PDE5A: variants seen among roughly 807,000 people sequenced by gnomAD.
PDE5A encodes cGMP-specific 3',5'-cyclic phosphodiesterase.
In PDE5A, 67 loss-of-function variants were observed where a neutral mutation model predicts 110.2. The observed-to-expected ratio is 0.61, with a 90% CI of 0.50 to 0.75. PDE5A has a LOEUF of 0.75. Ranked by LOEUF, PDE5A falls within the 30% of genes least tolerant of loss-of-function variation. The probability of loss-of-function intolerance (pLI) is 0.00; values close to 1 mark genes in which losing one functional copy is unlikely to be tolerated. For missense variants in PDE5A, 862 were observed against 1,045.1 expected (o/e 0.82, Z 2.42); for synonymous variants, 328 against 351.2 (o/e 0.93, Z 0.74).
In PDE5A at chr4:119,606,995, A is replaced by G. The variant is rs868102037; in HGVS notation, c.455T>C (p.Leu152Pro). Residue 152 changes from leucine (L) to proline (P), a missense_variant, in exon 2 of 21, where the codon CTC becomes CCC. Physicochemically the swap from Leu to Pro is moderately conservative, Grantham distance 98 (BLOSUM62 -3). Coordinates refer to ENST00000354960, the MANE Select transcript of PDE5A (RefSeq NM_001083.4). ...DHDEGDQCSRLLELVKDISSH... is the reference protein window; with the variant it reads ...DHDEGDQCSRPLELVKDISSH... ...AGAAATATCCTTCACTAATTCCAAG[A>G]GTCTTGAGCACTGGTCCCCTTCATC... 6.2e-7 allele frequency: 1 copy of G among 1,614,168 alleles called. No individual in the cohort carries two copies.
intron 3 of PDE5A, among the ~76,000 whole-genome samples, chr4:119,573,515 A>C (rs1728213044): frequency 6.6e-6 from 1 of 152,084 alleles, no homozygotes; most frequent in African/African-American, 2.4e-5. Context: ...GCCAATTTTG[A>C]CCATTTTAGT....
intron 2 of PDE5A, among the ~76,000 whole-genome samples, chr4:119,597,942 T>G (rs1028724815): frequency 2.0e-5 from 3 of 152,074 alleles, no homozygotes; most frequent in Non-Finnish European, 4.4e-5. Context: ...TCTGCAAACA[T>G]GCTCAAAGTT....
intron 6 of PDE5A, among the ~76,000 whole-genome samples, chr4:119,560,571 A>G (rs931032956): frequency 4.6e-5 from 7 of 152,328 alleles, no homozygotes; most frequent in Admixed American, 2.6e-4. Context: ...TTTCGTTCAT[A>G]TAATTTCTGA....
intron 7 of PDE5A, among the ~76,000 whole-genome samples, chr4:119,556,054 T>C (rs1727526913): frequency 6.6e-6 from 1 of 152,212 alleles, no homozygotes; most frequent in South Asian, 2.1e-4. Flanking sequence ...TACAATCTAG[T>C]AGAAGACTGA....
At chr4:119,550,246 A>C (rs1727293974) in intron 9 of PDE5A, 1 of 152,172 alleles carries the variant, frequency 6.6e-6, no homozygotes, top group Non-Finnish European at 1.5e-5. Flanking sequence ...CTTTTTATTT[A>C]CAAAGAATTT....
chr4:119,522,939 A>G (rs894056550), intron 12 of PDE5A, among the ~76,000 whole-genome samples: 7 of 152,084 alleles, frequency 4.6e-5, no homozygotes, highest in Admixed American at 3.3e-4. Context: ...TGGTGAACTC[A>G]AGATGCCACC....
At chr4:119,537,747 C>T (rs2110483309) in intron 11 of PDE5A, among the ~76,000 whole-genome samples, 1 of 151,936 alleles carries the variant, frequency 6.6e-6, no homozygotes, top group African/African-American at 2.4e-5. Flanking sequence ...AAGATGTTCA[C>T]TTGGTTGTTC....
rs1379857969 is a variant in PDE5A, at chr4:119,496,820, C to T, written c.*1781G>A. The T allele has an allele frequency of 6.6e-6, 1 of 151,098 alleles. No individual in the cohort carries two copies. 9.4% of individuals were successfully genotyped at this position (151,098 alleles called of 1,614,324 possible). On this transcript the variant is annotated 3_prime_UTR_variant, in exon 21 of 21. Transcript: ENST00000354960. ...AACCTTACAAATTTTATCTGTATGG[C>T]AAAAAAAATAAAATATCCTGAAAAT... is the stretch of plus-strand genomic sequence containing the variant.
intron 14 of PDE5A, chr4:119,517,249 C>T (rs573920419): frequency 2.5e-3 from 384 of 152,106 alleles, no homozygotes; most frequent in African/African-American, 9.1e-3. Context: ...TTGATTTTCT[C>T]TAAATATTAG....
chr4:119,591,435 C>T (rs527466294), intron 3 of PDE5A, among the ~76,000 whole-genome samples: 48 of 152,126 alleles, frequency 3.2e-4, no homozygotes, highest in Non-Finnish European at 6.2e-4. Flanking sequence ...GTTTGTCAGC[C>T]AGCAACTAAG....
At chr4:119,588,471 C>G (rs1728850008) in intron 3 of PDE5A, among the ~76,000 whole-genome samples, 1 of 150,882 alleles carries the variant, frequency 6.6e-6, no homozygotes, top group African/African-American at 2.4e-5. Flanking sequence ...GCCACCGCGC[C>G]TAGCCTACCT....
At chr4:119,581,594 G>A (rs1037715151) in intron 3 of PDE5A, among the ~76,000 whole-genome samples, 2 of 152,146 alleles carry the variant, frequency 1.3e-5, no homozygotes, top group Non-Finnish European at 1.5e-5. Flanking sequence ...ATGCATGAAA[G>A]CACAGATGCA....
At chr4:119,586,635 T>A (rs532436117) in intron 3 of PDE5A, among the ~76,000 whole-genome samples, 1 of 152,292 alleles carries the variant, frequency 6.6e-6, no homozygotes, top group African/African-American at 2.4e-5. Context: ...GGGTTAGATA[T>A]TATACAAAGA....
At chr4:119,563,756 G>A (rs1198097103) in intron 5 of PDE5A, among the ~76,000 whole-genome samples, 2 of 152,096 alleles carry the variant, frequency 1.3e-5, no homozygotes, top group East Asian at 1.9e-4. Context: ...AAGCAGTTTC[G>A]ACTGTGATGC....
chr4:119,544,646 C>G (rs1353501944), intron 9 of PDE5A, among the ~76,000 whole-genome samples: 3 of 152,148 alleles, frequency 2.0e-5, no homozygotes, highest in Non-Finnish European at 4.4e-5. Context: ...TACTTGATAG[C>G]CTTTTTCATA....
At chr4:119,501,095 A>G in intron 20 of PDE5A, 75 bp downstream of exon 20, 1 of 880,586 alleles carries the variant, frequency 1.1e-6, no homozygotes. Flanking sequence ...GGCGCCTAAT[A>G]TTAATCTCTT....
chr4:119,568,076 G>A (rs1728006031), intron 3 of PDE5A, among the ~76,000 whole-genome samples: 2 of 151,918 alleles, frequency 1.3e-5, no homozygotes, highest in Non-Finnish European at 2.9e-5. Flanking sequence ...GCAGAACAAG[G>A]AAGGGGAAAT....
Position 119,576,037 on chromosome 4 carries a change from G to C in PDE5A, c.832-8893C>G, listed in dbSNP as rs567841228. 1.1e-3 allele frequency among the ~76,000 whole-genome samples: 164 copies of C among 152,236 alleles called. 1 individual carries two copies. Among genetic ancestry groups the C allele is most frequent in the African/African-American group, 3.4e-3 (143 of 41,554 alleles). ...ACAAAAAAAGGCAGGGGTTGCAATC[G>C]TAGTCTCTGATAAAACAGATTTTAA... is the stretch of plus-strand genomic sequence containing the variant. On this transcript the variant is annotated intron_variant, in intron 3 of 20. Coordinates refer to ENST00000354960, the MANE Select transcript of PDE5A (RefSeq NM_001083.4).
intron 3 of PDE5A, among the ~76,000 whole-genome samples, chr4:119,579,050 AAAG>A (rs1728490700): frequency 6.6e-6 from 1 of 152,162 alleles, no homozygotes; most frequent in Admixed American, 6.5e-5. Context: ...ACACTTCTCA[AAAG>A]AAGACATTTA....
Sources: gnomAD v4.1 joint callset for allele counts (sites outside exome capture counted in the v4.1 genomes callset) on GRCh38, gnomAD v4.1.1 for gene constraint, MANE v1.5 for transcripts, NCBI Gene and HGNC (gene_info 2026-07-23, HGNC 2026-07-21) for gene names.